DUS2: variants seen among roughly 807,000 people sequenced by gnomAD.
DUS2 encodes dihydrouridine synthase 2.
Under a neutral mutation model 71.3 loss-of-function variants are expected in DUS2, and 52 were observed. The ratio of observed to expected loss-of-function variants is 0.73; its 90% CI spans 0.58 to 0.92. The LOEUF (loss-of-function observed/expected upper bound fraction) is 0.92. Among genes scored for constraint, DUS2 ranks in the 40% least tolerant of loss-of-function variants. DUS2 has a pLI of 0.00. For synonymous variants in DUS2, 204 were observed against 227.8 expected, an observed-to-expected ratio of 0.90 and a Z score of 0.94; for missense variants, 558 against 622.6, an observed-to-expected ratio of 0.90 and a Z score of 1.10.
chr16:68,066,653 C>T lies in DUS2; in HGVS notation c.554+17C>T. ...TCATGGGAGGTGAGTGGTCACCTTTCTAGTGACTGGCAGGGAGGTCCTAAC... is the reference window on the plus strand; with the variant it reads ...TCATGGGAGGTGAGTGGTCACCTTTTTAGTGACTGGCAGGGAGGTCCTAAC... On this transcript the variant is annotated intron_variant, in intron 10 of 16. Transcript: ENST00000565263. The T allele has an allele frequency of 6.2e-7, 1 of 1,613,270 alleles. No individual in the cohort carries two copies. The highest frequency in any genetic ancestry group is 8.5e-7 in the Non-Finnish European group (1 of 1,179,280).
Position 68,025,457 on chromosome 16 carries a change from T to G in DUS2, c.-56T>G, listed in dbSNP as rs1017455560. 2 of 152,062 alleles carry G rather than the reference T, an allele frequency of 1.3e-5. No individual in the cohort carries two copies. Among genetic ancestry groups the G allele is most frequent in the Non-Finnish European group, 2.9e-5 (2 of 68,016 alleles). The allele number at this position is 152,062 out of a possible 1,614,324, so 9.4% of individuals were successfully genotyped here. On this transcript the variant is annotated 5_prime_UTR_variant, in exon 2 of 17. Transcript: ENST00000565263. ...ACTCTGTACAAAGCCAGAACACATA[T>G]ATCAAAGTAATCCTGAAGTATCAGA...
intron 3 of DUS2, among the ~76,000 whole-genome samples, chr16:68,046,750 A>ATT (rs548162410): frequency 3.5e-5 from 5 of 143,050 alleles, no homozygotes; most frequent in Non-Finnish European, 4.6e-5. Flanking sequence ...TCTCATTCTG[A>ATT]TTTTTTTTTT....
chr16:68,075,416 G>T lies in DUS2; in HGVS notation c.994G>T (p.Ala332Ser), dbSNP rs375324567. The part of the protein sequence containing the change: ...ETTQELDAQQ[A>S]RLSAKTSEQT... Reference sequence around the variant, plus strand: ...CACACAGGAGCTGGATGCCCAGCAGGCCAGGCTCTCAGCCAAGACTTCAGA... The same window carrying T: ...CACACAGGAGCTGGATGCCCAGCAGTCCAGGCTCTCAGCCAAGACTTCAGA... The change falls in exon 14 of 17, where the codon GCC (alanine) becomes TCC (serine). Residue 332 changes from alanine (A) to serine (S), a missense_variant. Coordinates refer to ENST00000565263, the MANE Select transcript of DUS2 (RefSeq NM_017803.5). 5.6e-6 allele frequency: 9 copies of T among 1,613,780 alleles called. No homozygotes were observed. The African/African-American group carries it at 1.2e-4, about 22-fold the overall frequency.
chr16:68,076,385 TC>T (rs891856489), intron 14 of DUS2, among the ~76,000 whole-genome samples: 1 of 152,110 alleles, frequency 6.6e-6, no homozygotes, highest in African/African-American at 2.4e-5. Context: ...GGGAGTTCAT[TC>T]CCCCTTCCCT....
intron 3 of DUS2, among the ~76,000 whole-genome samples, chr16:68,044,952 C>T (rs976924667): frequency 6.6e-6 from 1 of 151,908 alleles, no homozygotes. Flanking sequence ...GCCACCATGC[C>T]TGGATAATTT....
intron 8 of DUS2, among the ~76,000 whole-genome samples, chr16:68,063,395 C>T (rs1049490560): frequency 6.6e-6 from 1 of 152,148 alleles, no homozygotes; most frequent in African/African-American, 2.4e-5. Flanking sequence ...GGGAGTATCT[C>T]AAGACCACCT....
chr16:68,066,850 T>C (rs1169155848), intron 10 of DUS2, among the ~76,000 whole-genome samples: 2 of 152,230 alleles, frequency 1.3e-5, no homozygotes, highest in East Asian at 3.9e-4. Context: ...GGAGTGCCTA[T>C]TGAGGGTAGG....
rs573139311 is a variant in DUS2, at chr16:68,072,848, G to A, written c.811-1186G>A. 3.3e-5 allele frequency among the ~76,000 whole-genome samples: 5 copies of A among 152,166 alleles called. No homozygotes were observed. In the South Asian group the frequency reaches 6.2e-4, roughly 19 times the overall value. ...TTGCCTCCCTGAGCCTTCATTTCAC[G>A]GTCTGTGGAGTGATGGTGACAGTTG... On this transcript the variant is annotated intron_variant, in intron 12 of 16. Coordinates refer to ENST00000565263, the MANE Select transcript of DUS2 (RefSeq NM_017803.5).
At position 68,061,130 on chromosome 16, in the gene DUS2, T is replaced by G. The variant is rs376408660; in HGVS notation, c.417+17T>G. On this transcript the variant is annotated intron_variant, in intron 8 of 16. Transcript: ENST00000565263. ...ATTGAGAAGGTAAGTCCTCCACGAG[T>G]GAAAGCAGGGGTCCTCAAACACAGC... 42 of 1,613,712 alleles carry G rather than the reference T, an allele frequency of 2.6e-5. No individual in the cohort carries two copies. In the African/African-American group the frequency reaches 4.9e-4, roughly 19 times the overall value.
intron 3 of DUS2, among the ~76,000 whole-genome samples, chr16:68,038,983 G>A (rs1054888044): frequency 5.9e-5 from 9 of 151,594 alleles, no homozygotes; most frequent in Admixed American, 1.3e-4. Flanking sequence ...AGGATTACTT[G>A]AGTCCAGGAG....
At chr16:68,039,673 C>T (rs974979817) in intron 3 of DUS2, among the ~76,000 whole-genome samples, 3 of 151,954 alleles carry the variant, frequency 2.0e-5, no homozygotes, top group Non-Finnish European at 2.9e-5. Context: ...CTCACGTCTC[C>T]GCCTTCCAAA....
chr16:68,056,898 A>G (rs2033861192), intron 7 of DUS2, among the ~76,000 whole-genome samples: 1 of 143,504 alleles, frequency 7.0e-6, no homozygotes, highest in Non-Finnish European at 1.5e-5. Flanking sequence ...ATTATATTAC[A>G]TATATATTTA....
In DUS2 at chr16:68,074,042, G is replaced by A. The variant is rs1379671253; in HGVS notation, c.819G>A (p.Gln273=). Residue 273 remains glutamine, a synonymous_variant, in exon 13 of 17, where the codon CAG becomes CAA. Transcript: ENST00000565263. ...GTCATTTCTTTTCTCAGGCGGTGCA[G>A]TATGACAACCACTACACCAACACCA... ...VMQKYIRYAV[Q]YDNHYTNTKY... 6.2e-7 allele frequency: 1 copy of A among 1,614,150 alleles called. No homozygotes were observed. Among genetic ancestry groups the A allele is most frequent in the Non-Finnish European group, 8.5e-7 (1 of 1,179,992 alleles).
Position 68,070,933 on chromosome 16 carries a change from T to A in DUS2, c.642-7T>A. 6.2e-7 allele frequency: 1 copy of A among 1,613,690 alleles called. No homozygotes were observed. The highest frequency in any genetic ancestry group is 8.5e-7 in the Non-Finnish European group (1 of 1,179,628). On this transcript the variant is annotated splice_region_variant and splice_polypyrimidine_tract_variant and intron_variant, in intron 11 of 16. Transcript: ENST00000565263. Reference sequence around the variant, plus strand: ...GGGACACCCCTAACCCTCTGGTTGCTTTTTAGCGGAGGATCTCATGACCAC... The same window carrying A: ...GGGACACCCCTAACCCTCTGGTTGCATTTTAGCGGAGGATCTCATGACCAC...
At chr16:68,041,755 T>C (rs577455122) in intron 3 of DUS2, among the ~76,000 whole-genome samples, 1 of 148,772 alleles carries the variant, frequency 6.7e-6, no homozygotes, top group South Asian at 2.1e-4. Flanking sequence ...GAGGTTGCAA[T>C]GTGCCCAGTG....
chr16:68,074,285 TG>T, intron 13 of DUS2, 130 bp downstream of exon 13: 1 of 1,228,950 alleles, frequency 8.1e-7, no homozygotes, highest in Non-Finnish European at 1.1e-6. Flanking sequence ...AGTGGAGTGA[TG>T]GTACAGCTTT....
At chr16:68,073,054 C>T (rs2034109703) in intron 12 of DUS2, among the ~76,000 whole-genome samples, 1 of 152,144 alleles carries the variant, frequency 6.6e-6, no homozygotes, top group Non-Finnish European at 1.5e-5. Flanking sequence ...CCTGCCATGC[C>T]AGAATTTGGT....
At chr16:68,073,681 T>C (rs2034117590) in intron 12 of DUS2, among the ~76,000 whole-genome samples, 1 of 152,156 alleles carries the variant, frequency 6.6e-6, no homozygotes, top group African/African-American at 2.4e-5. Flanking sequence ...ACTCCTGACC[T>C]CAGGTGATCC....
chr16:68,050,561 A>G (rs1420901879), intron 4 of DUS2, among the ~76,000 whole-genome samples: 1 of 152,206 alleles, frequency 6.6e-6, no homozygotes, highest in Admixed American at 6.5e-5. Flanking sequence ...AGAGAGGAAT[A>G]ATGTATGTTT....
Sources: gnomAD v4.1 joint callset for allele counts (sites outside exome capture counted in the v4.1 genomes callset) on GRCh38, gnomAD v4.1.1 for gene constraint, MANE v1.5 for transcripts, NCBI Gene and HGNC (gene_info 2026-07-23, HGNC 2026-07-21) for gene names.